MCM3: variants seen among roughly 807,000 people sequenced by gnomAD.
The protein encoded by MCM3 is DNA replication licensing factor MCM3.
In MCM3, 59 loss-of-function variants were observed where a neutral mutation model predicts 91.3. The ratio of observed to expected loss-of-function variants is 0.65; its 90% CI spans 0.52 to 0.80. The LOEUF is 0.80. Among genes scored for constraint, MCM3 ranks in the 30% least tolerant of loss-of-function variants. The probability of loss-of-function intolerance (pLI) is 0.00; values close to 1 mark genes in which losing one functional copy is unlikely to be tolerated. For missense variants in MCM3, 919 were observed against 1,035.4 expected, an observed-to-expected ratio of 0.89 and a Z score of 1.54; for synonymous variants, 383 against 379.6, an observed-to-expected ratio of 1.01 and a Z score of -0.10.
intron 3 of MCM3, among the ~76,000 whole-genome samples, 160 bp from the exon 4 acceptor site, chr6:52,282,335 T>C (rs867288896): frequency 6.6e-6 from 1 of 152,184 alleles, no homozygotes; most frequent in African/African-American, 2.4e-5. Flanking sequence ...TATTTATATA[T>C]AGACCACCAC....
chr6:52,277,389 C>CAAAA, intron 7 of MCM3, 146 bp downstream of exon 7: 2 of 817,220 alleles, frequency 2.4e-6, no homozygotes, highest in Non-Finnish European at 3.6e-6. Context: ...CCAGAGATGA[C>CAAAA]AAAAAAAAAA....
Position 52,264,495 on chromosome 6 carries a change from A to T in MCM3, c.*93T>A. ...GCCTTCAGTTGAATTCAACACTGTT[A>T]AGGGAGTAGAGGCAAAGACTTGGGT... On this transcript the variant is annotated 3_prime_UTR_variant, in exon 17 of 17. Coordinates refer to ENST00000596288, the MANE Select transcript of MCM3 (RefSeq NM_002388.6). 7.4e-7 allele frequency: 1 copy of T among 1,346,258 alleles called. No individual in the cohort carries two copies. The highest frequency in any genetic ancestry group is 1.1e-6 in the Non-Finnish European group (1 of 947,564). The allele number at this position is 1,346,258 out of a possible 1,614,324, so 83.4% of individuals were successfully genotyped here. A position where few individuals can be genotyped will look rare whatever the true frequency, so the allele number is the denominator to read the frequency against.
At chr6:52,273,553 AGAAATG>A (rs1485166850) in intron 10 of MCM3, among the ~76,000 whole-genome samples, 183 bp downstream of exon 10, 3 of 152,200 alleles carry the variant, frequency 2.0e-5, no homozygotes, top group Non-Finnish European at 2.9e-5. Flanking sequence ...TCCCAGACCC[AGAAATG>A]GACAAAAGAC....
At chr6:52,272,821 G>C (rs996373433) in intron 11 of MCM3, among the ~76,000 whole-genome samples, 8 of 152,172 alleles carry the variant, frequency 5.3e-5, no homozygotes, top group Non-Finnish European at 1.2e-4. Context: ...AAAAATAGGT[G>C]TAAGATCCCA....
At chr6:52,264,909 A>C in intron 16 of MCM3, 123 bp from the exon 17 acceptor site, 5 of 778,052 alleles carry the variant, frequency 6.4e-6, no homozygotes, top group Non-Finnish European at 1.1e-5. Context: ...ATTCTTTCTC[A>C]CACACACATC....
chr6:52,274,867 C>A (rs76585282), intron 9 of MCM3, among the ~76,000 whole-genome samples: 3,387 of 152,146 alleles, frequency 0.022, 97 homozygotes, highest in African/African-American at 0.066. Context: ...TCAGGTCCTG[C>A]CATTTTTCTT....
intron 4 of MCM3, among the ~76,000 whole-genome samples, chr6:52,280,160 T>C (rs1212897750): frequency 1.3e-5 from 2 of 152,192 alleles, no homozygotes; most frequent in African/African-American, 2.4e-5. Flanking sequence ...AAGTAATCCA[T>C]ACTGTTAGAC....
At chr6:52,264,929 T>C (rs537244442) in intron 16 of MCM3, 143 bp from the exon 17 acceptor site, 1 of 695,380 alleles carries the variant, frequency 1.4e-6, no homozygotes, top group South Asian at 1.8e-5. Flanking sequence ...CTGCCTCTGA[T>C]GGCAGTGCTA....
intron 13 of MCM3, among the ~76,000 whole-genome samples, chr6:52,268,804 A>G (rs1764855466): frequency 1.3e-5 from 2 of 152,174 alleles, no homozygotes; most frequent in Non-Finnish European, 2.9e-5. Context: ...AGGGGTAGAC[A>G]GAGAAGCAGC....
Position 52,269,497 on chromosome 6 carries a change from G to A in MCM3, c.1828-271C>T, listed in dbSNP as rs112040381. Among the ~76,000 whole-genome samples the A allele has an allele frequency of 8.5e-4, 128 of 150,338 alleles. No individual in the cohort carries two copies. Among genetic ancestry groups the A allele is most frequent in the Middle Eastern group, 3.5e-3 (1 of 288 alleles). ...AACTGGAAAGATAAAAAGCTACAGC[G>A]TAGAAAAGAGAAGGGAGAAAAATCA... is the stretch of plus-strand genomic sequence containing the variant. On this transcript the variant is annotated intron_variant, in intron 12 of 16. Coordinates refer to ENST00000596288, the MANE Select transcript of MCM3 (RefSeq NM_002388.6).
chr6:52,265,778 AAG>A (rs1764596258), intron 16 of MCM3, among the ~76,000 whole-genome samples: 1 of 152,176 alleles, frequency 6.6e-6, no homozygotes, highest in Non-Finnish European at 1.5e-5. Context: ...AGGTTACAGT[AAG>A]ACATTAAGTT....
chr6:52,277,538 T>C lies in MCM3; in HGVS notation c.1030A>G (p.Ile344Val), dbSNP rs530584781. 1.5e-4 allele frequency: 234 copies of C among 1,613,060 alleles called. No individual in the cohort carries two copies. The highest frequency in any genetic ancestry group is 3.0e-4 in the Admixed American group (18 of 59,818). Residue 344 changes from isoleucine (I) to valine (V), a missense_variant, in exon 7 of 17, where the codon ATA becomes GTA. Ile to Val is a conservative substitution (Grantham distance 29, BLOSUM62 3). Transcript: ENST00000596288. ...HIRGDINILL[I>V]GDPSVAKSQL... ...AAGCAAATCCCCAACATCGTACCTA[T>C]TAGAAGAATATTGATGTCCCCACGG...
At chr6:52,271,609 T>G (rs1325722447) in intron 12 of MCM3, among the ~76,000 whole-genome samples, 1 of 152,096 alleles carries the variant, frequency 6.6e-6, no homozygotes, top group Non-Finnish European at 1.5e-5. Flanking sequence ...GCCATTGCAC[T>G]CCAGCCTAGC....
intron 9 of MCM3, 131 bp downstream of exon 9, chr6:52,276,137 C>T: frequency 1.3e-6 from 1 of 781,972 alleles, no homozygotes; most frequent in Non-Finnish European, 2.0e-6. Flanking sequence ...AGGACAATAA[C>T]AAGAAAATGG....
intron 1 of MCM3, 137 bp from the exon 2 acceptor site, chr6:52,283,543 A>G: frequency 1.5e-6 from 1 of 670,020 alleles, no homozygotes. Flanking sequence ...GTGCTCATCA[A>G]TTTCTCCCTT....
chr6:52,284,584 G>T lies in MCM3; in HGVS notation c.78+13C>A. 6.3e-7 allele frequency: 1 copy of T among 1,598,174 alleles called. No homozygotes were observed. ...TCCGAGCGCTAGAGCCCGCGCGCCG[G>T]CGCCTCCCTCACCTCGTCGTCCAGG... On this transcript the variant is annotated intron_variant, in intron 1 of 16. Coordinates refer to ENST00000596288, the MANE Select transcript of MCM3 (RefSeq NM_002388.6).
At chr6:52,269,355 G>A in intron 12 of MCM3, 129 bp from the exon 13 acceptor site, 1 of 784,256 alleles carries the variant, frequency 1.3e-6, no homozygotes, top group Non-Finnish European at 2.0e-6. Context: ...TCAGAGTTCT[G>A]TGTTCTCTAC....
chr6:52,269,351 T>C (rs1412190841), intron 12 of MCM3, 125 bp from the exon 13 acceptor site: 1 of 814,156 alleles, frequency 1.2e-6, no homozygotes, highest in East Asian at 2.5e-5. Context: ...GAATTCAGAG[T>C]TCTGTGTTCT....
At chr6:52,277,337 A>T (rs544908644) in intron 7 of MCM3, 139 bp from the exon 8 acceptor site, 9 of 997,306 alleles carry the variant, frequency 9.0e-6, no homozygotes, top group Middle Eastern at 3.3e-4. Flanking sequence ...TTTTCCCTTC[A>T]CCACTCACGG....
Sources: allele counts gnomAD v4.1 joint callset (sites outside exome capture counted in the v4.1 genomes callset), GRCh38; gene constraint gnomAD v4.1.1; transcripts MANE v1.5; gene names NCBI Gene and HGNC (gene_info 2026-07-23, HGNC 2026-07-21).